Variants in GBE1 observed in about 807,000 individuals in gnomAD.
GBE1 encodes the protein 1,4-alpha-glucan branching enzyme 1.
GBE1 carries 70 observed loss-of-function variants against 88.8 expected under a neutral mutation model. The ratio of observed to expected loss-of-function variants is 0.79; its 90% CI spans 0.65 to 0.96. The LOEUF (loss-of-function observed/expected upper bound fraction) is 0.96. Among genes scored for constraint, GBE1 ranks in the 40% least tolerant of loss-of-function variants. GBE1 has a pLI of 0.00. For missense variants in GBE1, 872 were observed against 871.0 expected (o/e 1.00, Z -0.01); for synonymous variants, 284 against 300.1 (o/e 0.95, Z 0.56).
chr3:81,532,548 T>C (rs957504979), intron 14 of GBE1, among the ~76,000 whole-genome samples: 2 of 152,058 alleles, frequency 1.3e-5, no homozygotes, highest in African/African-American at 4.8e-5. Context: ...CAATTTCTCA[T>C]AATTAATATC....
rs116077767 is a variant in GBE1 at position 81,628,294 on chromosome 3, T to C, written c.992+14487A>G. Among the ~76,000 whole-genome samples, 805 of 152,194 alleles carry C rather than the reference T, an allele frequency of 5.3e-3. 11 individuals are homozygous for C. Among genetic ancestry groups the C allele is most frequent in the African/African-American group, 0.014 (586 of 41,530 alleles). The stretch of plus-strand genomic sequence containing the variant: ...CAAGGTGACCAGGTGCAGCATAGTC[T>C]CTACAACAAAAAGTTACTGAATTCT... On this transcript the variant is annotated intron_variant, in intron 7 of 15. Transcript: ENST00000429644.
intron 12 of GBE1, among the ~76,000 whole-genome samples, chr3:81,570,976 G>A (rs1230342227): frequency 6.6e-6 from 1 of 152,142 alleles, no homozygotes; most frequent in Non-Finnish European, 1.5e-5. Context: ...GCTTTTAATA[G>A]TAGGAATTAG....
intron 12 of GBE1, among the ~76,000 whole-genome samples, chr3:81,576,695 A>AC (rs1157466109): frequency 6.6e-6 from 1 of 152,100 alleles, no homozygotes; most frequent in African/African-American, 2.4e-5. Context: ...TTGACCTGAT[A>AC]CCTGGCTGAT....
intron 2 of GBE1, among the ~76,000 whole-genome samples, chr3:81,682,133 C>T (rs529990034): frequency 4.2e-4 from 64 of 152,244 alleles, no homozygotes; most frequent in Non-Finnish European, 7.2e-4. Flanking sequence ...GACATTTCTA[C>T]CAACAAGATG....
At chr3:81,716,132 G>A (rs962850464) in intron 1 of GBE1, among the ~76,000 whole-genome samples, 3 of 151,992 alleles carry the variant, frequency 2.0e-5, no homozygotes, top group Non-Finnish European at 4.4e-5. Context: ...CCACATTTAA[G>A]AAAAAATTGT....
chr3:81,508,159 T>C (rs1046115823), intron 14 of GBE1, among the ~76,000 whole-genome samples: 7 of 152,224 alleles, frequency 4.6e-5, no homozygotes, highest in African/African-American at 1.7e-4. Flanking sequence ...TAATACAAAA[T>C]TTTGAGTACT....
At chr3:81,706,061 C>T (rs1055355771) in intron 1 of GBE1, among the ~76,000 whole-genome samples, 14 of 152,024 alleles carry the variant, frequency 9.2e-5, no homozygotes, top group East Asian at 1.9e-4. Flanking sequence ...AAGGGGCAGA[C>T]GGCAAATATT....
At chr3:81,503,973 G>A (rs998651726) in intron 14 of GBE1, among the ~76,000 whole-genome samples, 1 of 152,102 alleles carries the variant, frequency 6.6e-6, no homozygotes, top group Non-Finnish European at 1.5e-5. Context: ...GAAGGAGAAG[G>A]GGTCCAGGAA....
intron 12 of GBE1, among the ~76,000 whole-genome samples, chr3:81,561,065 T>C (rs575880421): frequency 2.0e-5 from 3 of 152,164 alleles, no homozygotes; most frequent in African/African-American, 7.2e-5. Flanking sequence ...TTTTGCTGTA[T>C]TACAAAATTC....
At chr3:81,728,221 A>AAT (rs1277451106) in intron 1 of GBE1, among the ~76,000 whole-genome samples, 1 of 152,154 alleles carries the variant, frequency 6.6e-6, no homozygotes, top group African/African-American at 2.4e-5. Context: ...CATATCATAG[A>AAT]ATCAAAAACG....
At chr3:81,576,799 A>G (rs1703653279) in intron 12 of GBE1, among the ~76,000 whole-genome samples, 1 of 151,844 alleles carries the variant, frequency 6.6e-6, no homozygotes, top group Non-Finnish European at 1.5e-5. Flanking sequence ...ATACACCCAA[A>G]GGTACAGGTA....
At chr3:81,651,942 G>A (rs1428972897) in intron 3 of GBE1, among the ~76,000 whole-genome samples, 1 of 152,204 alleles carries the variant, frequency 6.6e-6, no homozygotes, top group African/African-American at 2.4e-5. Flanking sequence ...AGGCTACTGA[G>A]TGATGGGTGT....
intron 7 of GBE1, among the ~76,000 whole-genome samples, chr3:81,627,722 G>T (rs1054946055): frequency 2.0e-5 from 3 of 147,932 alleles, no homozygotes; most frequent in African/African-American, 7.5e-5. Flanking sequence ...GCCAAGAACT[G>T]TTATAAGAAA....
chr3:81,715,034 A>G (rs943974341), intron 1 of GBE1, among the ~76,000 whole-genome samples: 10 of 152,194 alleles, frequency 6.6e-5, no homozygotes, highest in African/African-American at 2.4e-4. Context: ...TTATGGTCTG[A>G]GTGGATATAA....
At chr3:81,541,083 C>A (rs1469640296) in intron 12 of GBE1, among the ~76,000 whole-genome samples, 1 of 151,928 alleles carries the variant, frequency 6.6e-6, no homozygotes, top group Non-Finnish European at 1.5e-5. Context: ...TTACCAACTG[C>A]CTTGGGTAGA....
intron 8 of GBE1, among the ~76,000 whole-genome samples, chr3:81,592,876 T>C (rs757851945): frequency 1.3e-5 from 2 of 152,136 alleles, no homozygotes; most frequent in Non-Finnish European, 2.9e-5. Flanking sequence ...CTGTTGTGTT[T>C]TACAGATTCA....
intron 10 of GBE1, among the ~76,000 whole-genome samples, chr3:81,585,678 T>C (rs376556307): frequency 3.9e-5 from 6 of 152,286 alleles, no homozygotes; most frequent in East Asian, 1.9e-4. Context: ...CAATCCAAAT[T>C]TGTTGAGGAA....
At chr3:81,737,810 G>T (rs960742030) in intron 1 of GBE1, among the ~76,000 whole-genome samples, 2 of 152,032 alleles carry the variant, frequency 1.3e-5, no homozygotes, top group Admixed American at 1.3e-4. Flanking sequence ...GCGCAGGTTA[G>T]TTACATATGT....
In GBE1 at chr3:81,496,696, G is replaced by T. The variant is rs894265330; in HGVS notation, c.2052+2414C>A. Reference sequence around the variant, plus strand: ...CTTATAATGAAGCATTATTAGAATAGGTACATTTGTTAATGTGATTTTTCT... The same window carrying T: ...CTTATAATGAAGCATTATTAGAATATGTACATTTGTTAATGTGATTTTTCT... On this transcript the variant is annotated intron_variant, in intron 15 of 15. Coordinates refer to ENST00000429644, the MANE Select transcript of GBE1 (RefSeq NM_000158.4). Among the ~76,000 whole-genome samples, 20 of 152,232 alleles carry T rather than the reference G, an allele frequency of 1.3e-4. 1 individual carries two copies. Among genetic ancestry groups the T allele is most frequent in the African/African-American group, 4.6e-4 (19 of 41,554 alleles).
Sources: gnomAD v4.1 joint callset for allele counts (sites outside exome capture counted in the v4.1 genomes callset) on GRCh38, gnomAD v4.1.1 for gene constraint, MANE v1.5 for transcripts, NCBI Gene and HGNC (gene_info 2026-07-23, HGNC 2026-07-21) for gene names.